Variants in ACTR10 observed in about 807,000 individuals in gnomAD.
ACTR10 encodes actin-related protein 10.
Under a neutral mutation model 56.2 loss-of-function variants are expected in ACTR10, and 43 were observed. The observed-to-expected ratio is 0.77, with a 90% CI of 0.60 to 0.99. The LOEUF is 0.99. Ranked by LOEUF, ACTR10 falls within the 50% of genes least tolerant of loss-of-function variation. ACTR10 has a pLI of 0.00. For missense variants in ACTR10, 466 were observed against 507.8 expected (o/e 0.92, Z 0.79); for synonymous variants, 170 against 176.3 (o/e 0.96, Z 0.28).
At chr14:58,206,271 G>A (rs1009001551) in intron 2 of ACTR10, among the ~76,000 whole-genome samples, 1 of 151,348 alleles carries the variant, frequency 6.6e-6, no homozygotes, top group Non-Finnish European at 1.5e-5. Flanking sequence ...CTCCTCTCGG[G>A]TTCAAGCCAT....
At chr14:58,220,515 T>C (rs1889238158) in intron 8 of ACTR10, among the ~76,000 whole-genome samples, 1 of 152,252 alleles carries the variant, frequency 6.6e-6, no homozygotes, top group South Asian at 2.1e-4. Context: ...TTTGTAATGC[T>C]TATTACAGTA....
chr14:58,215,392 C>A, intron 7 of ACTR10, 108 bp downstream of exon 7: 1 of 641,954 alleles, frequency 1.6e-6, no homozygotes, highest in Non-Finnish European at 2.7e-6. Context: ...TCTCCCCATG[C>A]CACTCTGATG....
At chr14:58,211,190 A>G in intron 4 of ACTR10, 102 bp from the exon 5 acceptor site, 1 of 808,530 alleles carries the variant, frequency 1.2e-6, no homozygotes. Context: ...AATTAATATA[A>G]TGTTCCTGTG....
intron 7 of ACTR10, among the ~76,000 whole-genome samples, chr14:58,219,323 A>G (rs1247700082): frequency 1.3e-5 from 2 of 152,218 alleles, no homozygotes; most frequent in African/African-American, 4.8e-5. Context: ...CTAATTCAAA[A>G]AAGAATGAAT....
chr14:58,220,925 C>G (rs1056519724), intron 8 of ACTR10, among the ~76,000 whole-genome samples: 9 of 152,012 alleles, frequency 5.9e-5, no homozygotes, highest in African/African-American at 1.9e-4. Context: ...GAAGAAGGTC[C>G]ATAATGTTAA....
chr14:58,204,087 T>G (rs942708656), intron 2 of ACTR10, among the ~76,000 whole-genome samples: 6 of 151,780 alleles, frequency 4.0e-5, no homozygotes, highest in African/African-American at 1.5e-4. Context: ...TAGGGAATAT[T>G]AAAAATAAAA....
At chr14:58,213,562 A>C in intron 5 of ACTR10, 69 bp from the exon 6 acceptor site, 1 of 1,033,602 alleles carries the variant, frequency 9.7e-7, no homozygotes, top group African/African-American at 1.6e-5. Flanking sequence ...GTACTGCAGA[A>C]GGTGAGGAAA....
intron 1 of ACTR10, among the ~76,000 whole-genome samples, chr14:58,202,225 T>G (rs1187717629): frequency 6.6e-6 from 1 of 152,062 alleles, no homozygotes; most frequent in Non-Finnish European, 1.5e-5. Flanking sequence ...TGAAGTCACA[T>G]AATGTAGTAC....
At position 58,228,416 on chromosome 14, in the gene ACTR10, C is replaced by T. The variant is rs539565125; in HGVS notation, c.789-1983C>T. 2.6e-5 allele frequency among the ~76,000 whole-genome samples: 4 copies of T among 152,096 alleles called. No homozygotes were observed. The South Asian group carries it at 8.3e-4, about 32-fold the overall frequency. ...GGCAGATCGCTTGAGGCCAGGAGTTCGAGACCAGCCTGGCCAACATGGCAA... is the reference window on the plus strand; with the variant it reads ...GGCAGATCGCTTGAGGCCAGGAGTTTGAGACCAGCCTGGCCAACATGGCAA... On this transcript the variant is annotated intron_variant, in intron 10 of 12. Coordinates refer to ENST00000254286, the MANE Select transcript of ACTR10 (RefSeq NM_018477.3).
At chr14:58,225,688 G>A (rs1281176425) in intron 10 of ACTR10, among the ~76,000 whole-genome samples, 1 of 151,676 alleles carries the variant, frequency 6.6e-6, no homozygotes, top group Non-Finnish European at 1.5e-5. Context: ...GAAATACAGA[G>A]GCCAGGCATG....
At chr14:58,211,425 T>G (rs763270231) in intron 5 of ACTR10, 26 bp downstream of exon 5, 2 of 1,529,970 alleles carry the variant, frequency 1.3e-6, no homozygotes, top group Non-Finnish European at 1.8e-6. Flanking sequence ...GCCAGCCACC[T>G]TTGCAGTTTT....
At chr14:58,221,430 A>C (rs1889266712) in intron 8 of ACTR10, among the ~76,000 whole-genome samples, 1 of 151,954 alleles carries the variant, frequency 6.6e-6, no homozygotes. Context: ...CTGTCTCTAC[A>C]AAAAATACAA....
intron 10 of ACTR10, among the ~76,000 whole-genome samples, chr14:58,227,694 G>C (rs1252240788): frequency 1.3e-5 from 2 of 152,194 alleles, no homozygotes; most frequent in African/African-American, 4.8e-5. Flanking sequence ...GCCTCAGTTA[G>C]TATACTTTAG....
chr14:58,220,606 G>A (rs1241823582), intron 8 of ACTR10, among the ~76,000 whole-genome samples: 1 of 152,090 alleles, frequency 6.6e-6, no homozygotes, highest in Non-Finnish European at 1.5e-5. Context: ...TATAACAGTT[G>A]TTGACCATGT....
At chr14:58,233,169 G>A (rs770919353) in intron 12 of ACTR10, among the ~76,000 whole-genome samples, 3 of 152,052 alleles carry the variant, frequency 2.0e-5, no homozygotes, top group Non-Finnish European at 4.4e-5. Context: ...CACCGCCCCT[G>A]GCTTACCATT....
intron 5 of ACTR10, among the ~76,000 whole-genome samples, chr14:58,212,292 A>G (rs1889022482): frequency 1.3e-5 from 2 of 152,216 alleles, no homozygotes; most frequent in African/African-American, 4.8e-5. Context: ...ATAGGCAAGA[A>G]CTTACTAATA....
chr14:58,200,714 G>C (rs894784466), intron 1 of ACTR10, among the ~76,000 whole-genome samples: 1 of 152,230 alleles, frequency 6.6e-6, no homozygotes, highest in African/African-American at 2.4e-5. Context: ...TTTTGGTGCT[G>C]AAAATGGAAA....
rs547154706 is a variant in ACTR10 at position 58,235,575 on chromosome 14, T to G, written c.*1024T>G. ...GGGCAGAGGTTCTTGAAATATGTAC[T>G]CAATCATTTAACTTTTATTTTATTT... On this transcript the variant is annotated 3_prime_UTR_variant, in exon 13 of 13. Coordinates refer to ENST00000254286, the MANE Select transcript of ACTR10 (RefSeq NM_018477.3). 1 of 152,368 alleles carries G rather than the reference T, an allele frequency of 6.6e-6. No individual in the cohort carries two copies. Among genetic ancestry groups the G allele is most frequent in the East Asian group, 1.9e-4 (1 of 5,190 alleles). The allele number at this position is 152,368 out of a possible 1,614,324, so 9.4% of individuals were successfully genotyped here.
Position 58,232,157 on chromosome 14 carries a change from C to T in ACTR10, c.962C>T (p.Ala321Val). The change falls in exon 12 of 13, where the codon GCA becomes GTA. Residue 321 changes from alanine to valine, a missense_variant. Physicochemically the swap from Ala to Val is moderately conservative, Grantham distance 64. Coordinates refer to ENST00000254286, the MANE Select transcript of ACTR10 (RefSeq NM_018477.3). Reference sequence around the variant, plus strand: ...CCAGGATTTCTCCACAGATTGCTTGCAGAAATAAGGTATTTGGTAGAAAAA... The same window carrying T: ...CCAGGATTTCTCCACAGATTGCTTGTAGAAATAAGGTATTTGGTAGAAAAA... ...MLPGFLHRLLAEIRYLVEKPK... is the reference protein window; with the variant it reads ...MLPGFLHRLLVEIRYLVEKPK... The T allele has an allele frequency of 6.2e-7, 1 of 1,613,598 alleles. No individual in the cohort carries two copies. Among genetic ancestry groups the T allele is most frequent in the African/African-American group, 1.3e-5 (1 of 74,928 alleles).
Sources: gnomAD v4.1 joint callset for allele counts (sites outside exome capture counted in the v4.1 genomes callset) on GRCh38, gnomAD v4.1.1 for gene constraint, MANE v1.5 for transcripts, NCBI Gene and HGNC (gene_info 2026-07-23, HGNC 2026-07-21) for gene names.